GABRB1: variants seen among roughly 807,000 people sequenced by gnomAD.
The protein encoded by GABRB1 is gamma-aminobutyric acid type A receptor subunit beta1, also known as gamma-aminobutyric acid receptor subunit beta-1.
A neutral mutation model predicts 51.6 loss-of-function variants in GABRB1; 17 were observed. That is an observed-to-expected ratio of 0.33 (90% CI 0.23 to 0.49). The LOEUF is 0.49. GABRB1 is among the 20% of genes least tolerant of loss of function. The pLI, the probability that GABRB1 is intolerant of heterozygous loss-of-function variation, is 0.99. For missense variants in GABRB1, 410 were observed against 600.6 expected (o/e 0.68, Z 3.32); for synonymous variants, 247 against 218.9 (o/e 1.13, Z -1.14).
chr4:47,121,603 T>G (rs2109649286), intron 3 of GABRB1, among the ~76,000 whole-genome samples: 1 of 152,326 alleles, frequency 6.6e-6, no homozygotes. Context: ...CAAAATTATA[T>G]TTTATAACAT....
intron 5 of GABRB1, among the ~76,000 whole-genome samples, chr4:47,343,058 CTG>C (rs1291058313): frequency 2.0e-5 from 3 of 151,832 alleles, no homozygotes; most frequent in Admixed American, 2.0e-4. Flanking sequence ...TTAAGGGCAT[CTG>C]AGAAAATGCC....
chr4:47,407,869 C>T (rs1728627978), intron 8 of GABRB1, among the ~76,000 whole-genome samples: 1 of 152,128 alleles, frequency 6.6e-6, no homozygotes, highest in African/African-American at 2.4e-5. Context: ...GAGGCTGAGG[C>T]TCACTGGAGC....
At chr4:47,389,992 G>T (rs764766855) in intron 5 of GABRB1, among the ~76,000 whole-genome samples, 1 of 152,206 alleles carries the variant, frequency 6.6e-6, no homozygotes, top group East Asian at 1.9e-4. Context: ...ATGTAAACAG[G>T]AAGGAAACAT....
At chr4:47,088,139 C>G (rs1180268562) in intron 3 of GABRB1, among the ~76,000 whole-genome samples, 1 of 152,096 alleles carries the variant, frequency 6.6e-6, no homozygotes, top group Non-Finnish European at 1.5e-5. Flanking sequence ...AAGTAGAAAA[C>G]GCTGTACTTT....
upstream of GABRB1, among the ~76,000 whole-genome samples, chr4:47,027,034 T>C (rs1279600282): frequency 6.6e-6 from 1 of 151,762 alleles, no homozygotes; most frequent in East Asian, 1.9e-4. Flanking sequence ...GAACACTAGA[T>C]ATGTCAAGTG....
chr4:47,070,626 C>T (rs1389346916), intron 3 of GABRB1, among the ~76,000 whole-genome samples: 2 of 152,124 alleles, frequency 1.3e-5, no homozygotes, highest in African/African-American at 4.8e-5. Flanking sequence ...GCCACCGCGC[C>T]CGGCCTGCAC....
chr4:47,085,651 C>T (rs1424390066), intron 3 of GABRB1, among the ~76,000 whole-genome samples: 1 of 152,162 alleles, frequency 6.6e-6, no homozygotes, highest in East Asian at 1.9e-4. Flanking sequence ...ATTATTGCTT[C>T]ATGATAAAAC....
intron 3 of GABRB1, among the ~76,000 whole-genome samples, chr4:47,123,899 ATATAT>A (rs1216455717): frequency 3.6e-5 from 2 of 56,136 alleles, no homozygotes; most frequent in East Asian, 2.7e-4. Context: ...ATAATATATA[ATATAT>A]TATATATTAA....
chr4:47,360,693 C>G lies in GABRB1; in HGVS notation c.544+40484C>G, dbSNP rs1338411349. Among the ~76,000 whole-genome samples the G allele has an allele frequency of 2.0e-5, 3 of 152,096 alleles. No homozygotes were observed. In the East Asian group the frequency reaches 5.8e-4, roughly 29 times the overall value. ...CTCTATTATTACAATGAGGAGTCTA[C>G]TGTATTTCTTTAGAATCTGAATTTG... On this transcript the variant is annotated intron_variant, in intron 5 of 8. Transcript: ENST00000295454.
intron 3 of GABRB1, among the ~76,000 whole-genome samples, chr4:47,155,761 C>A (rs1307023456): frequency 6.6e-6 from 1 of 151,268 alleles, no homozygotes; most frequent in East Asian, 1.9e-4. Context: ...GGTAAAATAG[C>A]AAATTAGAAA....
At chr4:47,227,079 CA>C (rs1426575508) in intron 4 of GABRB1, among the ~76,000 whole-genome samples, 1 of 152,140 alleles carries the variant, frequency 6.6e-6, no homozygotes, top group East Asian at 1.9e-4. Context: ...TATTATTCAA[CA>C]TCAAGTGCCT....
intron 1 of GABRB1, among the ~76,000 whole-genome samples, chr4:47,019,043 C>G (rs1375806490): frequency 6.6e-6 from 1 of 152,142 alleles, no homozygotes; most frequent in East Asian, 1.9e-4. Context: ...TCATTTAAGA[C>G]ATTTAATGAG....
chr4:47,077,270 C>T (rs905450437), intron 3 of GABRB1, among the ~76,000 whole-genome samples: 3 of 152,080 alleles, frequency 2.0e-5, no homozygotes, highest in African/African-American at 7.2e-5. Context: ...TATTTACACA[C>T]CCTTATTCCT....
At chr4:47,159,387 T>C (rs781362525) in intron 3 of GABRB1, among the ~76,000 whole-genome samples, 2 of 152,060 alleles carry the variant, frequency 1.3e-5, no homozygotes, top group Non-Finnish European at 2.9e-5. Context: ...ATCAAGCAGT[T>C]TTGTAATATA....
chr4:47,296,481 T>G (rs1723997791), intron 4 of GABRB1, among the ~76,000 whole-genome samples: 1 of 151,956 alleles, frequency 6.6e-6, no homozygotes, highest in Non-Finnish European at 1.5e-5. Flanking sequence ...AAAACAGACT[T>G]TAAACCAACA....
chr4:47,104,153 A>G lies in GABRB1; in HGVS notation c.241-57096A>G, dbSNP rs533719134. Among the ~76,000 whole-genome samples the G allele has an allele frequency of 4.0e-5, 6 of 151,682 alleles. No homozygotes were observed. In the South Asian group the frequency reaches 1.3e-3, roughly 32 times the overall value. ...GGTTTTCTCAAGATTTTTGAGATATATTTTCACTGAATATAGAAGTATAGG... is the reference window on the plus strand; with the variant it reads ...GGTTTTCTCAAGATTTTTGAGATATGTTTTCACTGAATATAGAAGTATAGG... On this transcript the variant is annotated intron_variant, in intron 3 of 8. Transcript: ENST00000295454.
chr4:47,116,871 A>C (rs1316698603), intron 3 of GABRB1, among the ~76,000 whole-genome samples: 2 of 152,144 alleles, frequency 1.3e-5, no homozygotes, highest in African/African-American at 2.4e-5. Context: ...GCAGAAGGGC[A>C]AGGGGAAGCA....
chr4:47,360,478 A>G (rs1183298440), intron 5 of GABRB1, among the ~76,000 whole-genome samples: 1 of 152,086 alleles, frequency 6.6e-6, no homozygotes, highest in Non-Finnish European at 1.5e-5. Flanking sequence ...TGTTAATAAT[A>G]TAACATGGCT....
intron 5 of GABRB1, among the ~76,000 whole-genome samples, chr4:47,325,896 A>G (rs1194207629): frequency 1.3e-5 from 2 of 152,192 alleles, no homozygotes; most frequent in East Asian, 3.8e-4. Flanking sequence ...CCCCCAATAT[A>G]ATGATATTAA....
Sources: allele counts gnomAD v4.1 joint callset (sites outside exome capture counted in the v4.1 genomes callset), GRCh38; gene constraint gnomAD v4.1.1; transcripts MANE v1.5; gene names NCBI Gene and HGNC (gene_info 2026-07-23, HGNC 2026-07-21).